GSE1: variants seen among roughly 807,000 people sequenced by gnomAD.
GSE1 encodes the protein genetic suppressor element 1.
GSE1 carries 32 observed loss-of-function variants against 112.6 expected under a neutral mutation model. The observed-to-expected ratio is 0.28, with a 90% CI of 0.21 to 0.38. The LOEUF (loss-of-function observed/expected upper bound fraction) is 0.38. GSE1 is among the 10% of genes least tolerant of loss of function. The pLI, the probability that GSE1 is intolerant of heterozygous loss-of-function variation, is 1.00. For synonymous variants in GSE1, 1,115 were observed against 735.6 expected (o/e 1.52, Z -8.35); for missense variants, 2,348 against 1,699.2 (o/e 1.38, Z -6.71).
At chr16:85,639,084 C>T (rs954200651) in intron 2 of GSE1, among the ~76,000 whole-genome samples, 8 of 152,334 alleles carry the variant, frequency 5.3e-5, no homozygotes, top group Non-Finnish European at 7.4e-5. Context: ...CCCTTCCCAG[C>T]GACCGGCCTG....
chr16:85,319,854 T>A (rs1281832769), intron 1 of GSE1, among the ~76,000 whole-genome samples: 3 of 152,170 alleles, frequency 2.0e-5, no homozygotes, highest in Non-Finnish European at 4.4e-5. Flanking sequence ...TGAACTGAAG[T>A]GCCGTTTGAG....
At chr16:85,170,916 G>A in exon 1 of GSE1, 1 of 985,574 alleles carries the variant, frequency 1.0e-6, no homozygotes, top group Non-Finnish European at 1.2e-6. Context: ...CTAAGGGCAG[G>A]AGGCTCCCGA....
rs376374898 is a variant in GSE1, at chr16:85,655,912, G to C, written c.984G>C (p.Ala328=). 3.1e-6 allele frequency: 5 copies of C among 1,601,618 alleles called. No homozygotes were observed. Among genetic ancestry groups the C allele is most frequent in the Non-Finnish European group, 4.2e-6 (5 of 1,179,032 alleles). Residue 328 remains alanine (A), a synonymous_variant, in exon 6 of 16, where the codon GCG becomes GCC. Coordinates refer to ENST00000253458, the MANE Select transcript of GSE1 (RefSeq NM_014615.5). ...LHSERMSGLS[A]ERLQMDEELR... The stretch of plus-strand genomic sequence containing the variant: ...CGGAGCGCATGTCTGGCCTCAGCGC[G>C]GAGAGGTAAGTGCGTCTCGAGCCGA...
upstream of GSE1, among the ~76,000 whole-genome samples, chr16:85,609,485 G>C (rs1457083333): frequency 6.6e-6 from 1 of 152,220 alleles, no homozygotes; most frequent in Non-Finnish European, 1.5e-5. Flanking sequence ...ACACAGCCCA[G>C]GGTTTAGTGT....
At position 85,674,742 on chromosome 16, in the gene GSE1, G is replaced by A. The variant is rs760419681; in HGVS notation, c.*2203G>A. 5 of 152,306 alleles carry A rather than the reference G, an allele frequency of 3.3e-5. No homozygotes were observed. Among genetic ancestry groups the A allele is most frequent in the Non-Finnish European group, 7.3e-5 (5 of 68,046 alleles). 9.4% of individuals were successfully genotyped at this position (152,306 alleles called of 1,614,324 possible). A position where few individuals can be genotyped will look rare whatever the true frequency, so the allele number is the denominator to read the frequency against. ...TTGGATTTTCTATGACAGCACAGGG[G>A]ACAGGTGGCACACCATGAGAGGTCT... On this transcript the variant is annotated 3_prime_UTR_variant, in exon 16 of 16. Coordinates refer to ENST00000253458, the MANE Select transcript of GSE1 (RefSeq NM_014615.5).
At chr16:85,651,304 G>A (rs1220734217) in intron 3 of GSE1, among the ~76,000 whole-genome samples, 2 of 151,892 alleles carry the variant, frequency 1.3e-5, no homozygotes, top group Non-Finnish European at 2.9e-5. Flanking sequence ...CGCTGACCTA[G>A]TTCCCAGGTG....
chr16:85,341,907 G>C (rs2046631578), intron 1 of GSE1, among the ~76,000 whole-genome samples: 1 of 152,134 alleles, frequency 6.6e-6, no homozygotes, highest in Non-Finnish European at 1.5e-5. Flanking sequence ...CTGCTAACGA[G>C]CCAATGGCCT....
chr16:85,544,521 G>T (rs575381697), intron 2 of GSE1, among the ~76,000 whole-genome samples: 1 of 152,328 alleles, frequency 6.6e-6, no homozygotes, highest in East Asian at 1.9e-4. Context: ...TAAAGGCAGA[G>T]AAGGACACAG....
chr16:85,267,227 C>A (rs958476249), intron 1 of GSE1, among the ~76,000 whole-genome samples: 3 of 152,206 alleles, frequency 2.0e-5, no homozygotes, highest in African/African-American at 7.2e-5. Context: ...CATCCTCGGC[C>A]CCCTCCCCAT....
At chr16:85,384,698 G>T (rs7185791) in intron 2 of GSE1, among the ~76,000 whole-genome samples, 7,365 of 152,310 alleles carry the variant, frequency 0.048, 579 homozygotes, top group African/African-American at 0.17. Flanking sequence ...GGATGCCTCA[G>T]AGCCCTGTTC....
intron 6 of GSE1, 99 bp from the exon 7 acceptor site, chr16:85,656,244 G>T: frequency 1.4e-6 from 2 of 1,445,448 alleles, no homozygotes; most frequent in African/African-American, 2.8e-5. Flanking sequence ...TCAGATTAGC[G>T]CCCTGGCTCG....
chr16:85,206,226 G>T (rs1433663894), intron 1 of GSE1, among the ~76,000 whole-genome samples: 2 of 152,140 alleles, frequency 1.3e-5, no homozygotes, highest in Non-Finnish European at 2.9e-5. Flanking sequence ...GCCGGGTGTG[G>T]TGGGAAGACC....
chr16:85,476,247 C>A (rs1031131374), intron 2 of GSE1, among the ~76,000 whole-genome samples: 1 of 152,154 alleles, frequency 6.6e-6, no homozygotes, highest in Non-Finnish European at 1.5e-5. Context: ...TTGAGGCCTG[C>A]GGGCTTTTAA....
Position 85,269,608 on chromosome 16 carries a change from T to C in GSE1, c.2284-87855T>C, listed in dbSNP as rs550824328. ...AGACTCCTGACTCCCCGGTGCTGCC[T>C]CCCGTGCTCTGCATGCCCGGCCCCT... On this transcript the variant is annotated intron_variant, in intron 1 of 2. Transcript: ENST00000637419. 2.0e-5 allele frequency among the ~76,000 whole-genome samples: 3 copies of C among 149,364 alleles called. No homozygotes were observed. In the South Asian group the frequency reaches 6.3e-4, roughly 31 times the overall value.
At chr16:85,672,230 G>C (rs1296081244) in intron 15 of GSE1, 175 bp from the exon 16 acceptor site, 1 of 605,792 alleles carries the variant, frequency 1.7e-6, no homozygotes, top group Non-Finnish European at 3.0e-6. Context: ...CCTGACGACA[G>C]GTGATCTGCC....
At chr16:85,345,174 G>T (rs983148089) in intron 1 of GSE1, among the ~76,000 whole-genome samples, 8 of 151,750 alleles carry the variant, frequency 5.3e-5, no homozygotes, top group Middle Eastern at 3.4e-3. Flanking sequence ...TGGCCCATGA[G>T]CTAAGAAAGG....
At chr16:85,471,835 C>A (rs902685916) in intron 2 of GSE1, among the ~76,000 whole-genome samples, 1 of 152,194 alleles carries the variant, frequency 6.6e-6, no homozygotes, top group East Asian at 1.9e-4. Context: ...CTCAGCCTCC[C>A]GAGCAGCTGG....
chr16:85,246,221 ACACACACACACACACACG>A (rs1158961512), intron 1 of GSE1, among the ~76,000 whole-genome samples: 1 of 142,096 alleles, frequency 7.0e-6, no homozygotes. Context: ...ACACACACAC[ACACACACACACACACACG>A]CACACCACAC....
At chr16:85,580,231 T>C (rs966100070) in intron 1 of GSE1, 2 of 152,636 alleles carry the variant, frequency 1.3e-5, no homozygotes, top group Admixed American at 6.5e-5. Flanking sequence ...GCTGAGCTCC[T>C]GCAGGGGAAG....
Sources: allele counts gnomAD v4.1 joint callset (sites outside exome capture counted in the v4.1 genomes callset), GRCh38; gene constraint gnomAD v4.1.1; transcripts MANE v1.5; gene names NCBI Gene and HGNC (gene_info 2026-07-23, HGNC 2026-07-21).